Variants in SVIL observed in about 807,000 individuals in gnomAD.
SVIL encodes supervillin, also known as archvillin.
SVIL carries 101 observed loss-of-function variants against 240.4 expected under a neutral mutation model. The ratio of observed to expected loss-of-function variants is 0.42; its 90% CI spans 0.36 to 0.50. SVIL has a LOEUF of 0.50. Among genes scored for constraint, SVIL ranks in the 20% least tolerant of loss-of-function variants. The pLI is 0.01. For missense variants in SVIL, 2,512 were observed against 2,818.7 expected, an observed-to-expected ratio of 0.89 and a Z score of 2.46; for synonymous variants, 999 against 1,100.0, an observed-to-expected ratio of 0.91 and a Z score of 1.82.
chr10:29,490,619 A>G (rs546334490), intron 22 of SVIL, among the ~76,000 whole-genome samples: 14,333 of 151,572 alleles, frequency 0.095, 864 homozygotes, highest in Non-Finnish European at 0.13. Flanking sequence ...CCCCAGTATA[A>G]TCTGAATTAA....
At chr10:29,732,648 T>C (rs1964686286) in intron 1 of SVIL, among the ~76,000 whole-genome samples, 1 of 152,202 alleles carries the variant, frequency 6.6e-6, no homozygotes, top group Admixed American at 6.5e-5. Context: ...TGTCTCAAAC[T>C]CTCCTTCCTC....
At chr10:29,477,720 T>C (rs1360812529) in intron 29 of SVIL, among the ~76,000 whole-genome samples, 1 of 152,238 alleles carries the variant, frequency 6.6e-6, no homozygotes, top group Non-Finnish European at 1.5e-5. Flanking sequence ...GGAATCTGAA[T>C]GCTCCCTGCT....
chr10:29,470,991 G>A, intron 31 of SVIL, 147 bp downstream of exon 31: 1 of 741,976 alleles, frequency 1.3e-6, no homozygotes, highest in South Asian at 1.6e-5. Context: ...CACCCATAGA[G>A]CTGAGTTATC....
In SVIL at chr10:29,510,098, T is replaced by G. The variant is rs73596038; in HGVS notation, c.3516+2637A>C. Reference sequence around the variant, plus strand: ...TTGTAAACATGGGGTTTTACCACGTTGCCCAAGCTGGTCTAAAACTCCTGG... The same window carrying G: ...TTGTAAACATGGGGTTTTACCACGTGGCCCAAGCTGGTCTAAAACTCCTGG... On this transcript the variant is annotated intron_variant, in intron 17 of 37. Coordinates refer to ENST00000355867, the MANE Select transcript of SVIL (RefSeq NM_021738.3). 6.8e-3 allele frequency among the ~76,000 whole-genome samples: 1,033 copies of G among 152,296 alleles called. 10 individuals carry two copies. Among genetic ancestry groups the G allele is most frequent in the African/African-American group, 0.023 (971 of 41,554 alleles).
At chr10:29,462,651 T>C (rs1944400800) in intron 35 of SVIL, among the ~76,000 whole-genome samples, 1 of 152,192 alleles carries the variant, frequency 6.6e-6, no homozygotes, top group African/African-American at 2.4e-5. Context: ...CGCTGTGTAT[T>C]CCTGGAAGGG....
At chr10:29,734,257 A>C (rs1964774183) in intron 1 of SVIL, among the ~76,000 whole-genome samples, 1 of 152,216 alleles carries the variant, frequency 6.6e-6, no homozygotes, top group South Asian at 2.1e-4. Context: ...GAGTTGGTTT[A>C]GCTATGGCAC....
intron 5 of SVIL, among the ~76,000 whole-genome samples, chr10:29,552,488 G>A (rs1057353697): frequency 7.3e-5 from 11 of 151,434 alleles, no homozygotes; most frequent in Admixed American, 3.9e-4. Context: ...ACTTGAACCC[G>A]GGAGGCAGAG....
chr10:29,569,413 G>T, intron 1 of SVIL, 101 bp from the exon 2 acceptor site: 1 of 462,170 alleles, frequency 2.2e-6, no homozygotes. Flanking sequence ...TATAATTTAA[G>T]AAAAAGAAAA....
intron 1 of SVIL, among the ~76,000 whole-genome samples, chr10:29,709,607 A>G (rs1172250463): frequency 6.6e-6 from 1 of 152,164 alleles, no homozygotes; most frequent in East Asian, 1.9e-4. Flanking sequence ...CCTATGGGGT[A>G]TGCTCTCACC....
chr10:29,552,531 C>T (rs1440463582), intron 5 of SVIL, among the ~76,000 whole-genome samples: 5 of 150,030 alleles, frequency 3.3e-5, no homozygotes, highest in East Asian at 3.9e-4. Flanking sequence ...CCACTGCCCT[C>T]CAGCCTGGGC....
At chr10:29,538,480 G>A (rs1299759107) in intron 6 of SVIL, among the ~76,000 whole-genome samples, 1 of 152,210 alleles carries the variant, frequency 6.6e-6, no homozygotes, top group African/African-American at 2.4e-5. Flanking sequence ...AAGATGTTGT[G>A]GAAGTGATAG....
chr10:29,731,305 T>G (rs962593411), intron 1 of SVIL, among the ~76,000 whole-genome samples: 2 of 152,222 alleles, frequency 1.3e-5, no homozygotes. Flanking sequence ...TTTGCTGAAT[T>G]AAATCCACTA....
intron 2 of SVIL, among the ~76,000 whole-genome samples, chr10:29,663,746 C>T (rs535200676): frequency 6.6e-6 from 1 of 152,344 alleles, no homozygotes; most frequent in Non-Finnish European, 1.5e-5. Context: ...TGTATGTTTT[C>T]AGTGTTTCAT....
chr10:29,652,720 G>A (rs181241964), intron 3 of SVIL, among the ~76,000 whole-genome samples: 1 of 152,258 alleles, frequency 6.6e-6, no homozygotes, highest in African/African-American at 2.4e-5. Context: ...ACAAACAACT[G>A]TCATTATCCG....
intron 31 of SVIL, among the ~76,000 whole-genome samples, chr10:29,470,790 G>C (rs926246902): frequency 3.3e-5 from 5 of 152,098 alleles, no homozygotes; most frequent in Non-Finnish European, 5.9e-5. Flanking sequence ...ATTTTAAAAG[G>C]CTCTAGAGCT....
At position 29,532,107 on chromosome 10, in the gene SVIL, C is replaced by T; in HGVS notation, c.1904G>A (p.Gly635Glu). 1 of 1,614,026 alleles carries T rather than the reference C, an allele frequency of 6.2e-7. No homozygotes were observed. Among genetic ancestry groups the T allele is most frequent in the Admixed American group, 1.7e-5 (1 of 60,018 alleles). ...GLPTGVERER[G>E]SRKPRRYFSP... ...AAAATAGCGTCTTGGTTTCCGGGAC[C>T]CTCTCTCCCGTTCCACACCGGTGGG... Residue 635 changes from glycine to glutamate, a missense_variant, in exon 9 of 38, where the codon GGG becomes GAG. Transcript: ENST00000355867.
chr10:29,487,346 T>A, intron 23 of SVIL, 47 bp from the exon 24 acceptor site: 1 of 1,610,088 alleles, frequency 6.2e-7, no homozygotes, highest in Non-Finnish European at 8.5e-7. Flanking sequence ...AGAACGGGGA[T>A]AGGACGCACC....
intron 1 of SVIL, among the ~76,000 whole-genome samples, chr10:29,720,982 G>T (rs574455587): frequency 6.6e-6 from 1 of 152,248 alleles, no homozygotes; most frequent in South Asian, 2.1e-4. Flanking sequence ...GAGTAGCTGG[G>T]ACTACAGGCA....
At chr10:29,648,890 C>G (rs918800287) in intron 3 of SVIL, among the ~76,000 whole-genome samples, 1 of 151,842 alleles carries the variant, frequency 6.6e-6, no homozygotes, top group Non-Finnish European at 1.5e-5. Flanking sequence ...ATATTCCAAG[C>G]ACTTTAGGAG....
Sources: allele counts gnomAD v4.1 joint callset (sites outside exome capture counted in the v4.1 genomes callset), GRCh38; gene constraint gnomAD v4.1.1; transcripts MANE v1.5; gene names NCBI Gene and HGNC (gene_info 2026-07-23, HGNC 2026-07-21).